The following PDE3A variants were observed in gnomAD, a reference collection of about 807,000 sequenced individuals.
The protein encoded by PDE3A is cGMP-inhibited 3',5'-cyclic phosphodiesterase 3A.
A neutral mutation model predicts 98.3 loss-of-function variants in PDE3A; 43 were observed. The ratio of observed to expected loss-of-function variants is 0.44; its 90% CI spans 0.34 to 0.56. The LOEUF is 0.56. PDE3A is among the 20% of genes least tolerant of loss of function. PDE3A has a pLI of 0.01. For missense variants in PDE3A, 1,427 were observed against 1,440.7 expected, an observed-to-expected ratio of 0.99 and a Z score of 0.15; for synonymous variants, 663 against 567.9, an observed-to-expected ratio of 1.17 and a Z score of -2.38.
chr12:20,574,947 T>C (rs1942894814), intron 2 of PDE3A, among the ~76,000 whole-genome samples: 1 of 152,172 alleles, frequency 6.6e-6, no homozygotes, highest in Non-Finnish European at 1.5e-5. Context: ...GTTCATACTT[T>C]AGAGATGGCA....
intron 2 of PDE3A, among the ~76,000 whole-genome samples, chr12:20,596,803 A>T (rs185229150): frequency 1.3e-5 from 2 of 152,318 alleles, no homozygotes; most frequent in Admixed American, 1.3e-4. Context: ...CTTGGAGTTT[A>T]CTGATGATGT....
intron 6 of PDE3A, among the ~76,000 whole-genome samples, chr12:20,632,115 T>G (rs1353184294): frequency 1.3e-5 from 2 of 152,244 alleles, no homozygotes; most frequent in Non-Finnish European, 2.9e-5. Flanking sequence ...GCTAATAAAC[T>G]CGACTTCTCC....
In PDE3A at chr12:20,434,780, T is replaced by C. The variant is rs530685093; in HGVS notation, c.960+64536T>C. ...CAGTATGAGCCTTGGCTTTCCCTTA[T>C]TTGAGTCAATATGCTGATTGTATAG... On this transcript the variant is annotated intron_variant, in intron 1 of 15. Transcript: ENST00000359062. Among the ~76,000 whole-genome samples the C allele has an allele frequency of 1.4e-4, 22 of 152,304 alleles. No individual in the cohort carries two copies. The East Asian group carries it at 4.2e-3, about 29-fold the overall frequency.
intron 9 of PDE3A, among the ~76,000 whole-genome samples, chr12:20,638,128 A>G (rs568245694): frequency 4.0e-5 from 6 of 151,898 alleles, no homozygotes; most frequent in East Asian, 3.9e-4. Context: ...CTGCAAAACA[A>G]TAGAAGAGAA....
chr12:20,491,078 C>CA lies in PDE3A; in HGVS notation c.961-65575dup, dbSNP rs568627656. On this transcript the variant is annotated intron_variant, in intron 1 of 15. Coordinates refer to ENST00000359062, the MANE Select transcript of PDE3A (RefSeq NM_000921.5). The stretch of plus-strand genomic sequence containing the variant: ...CCTGGGAAACAGAGTGAGCCTGACT[C>CA]AAAAAAATCCTTTAATACTTTTCTA... Among the ~76,000 whole-genome samples, 16 of 152,128 alleles carry CA rather than the reference C, an allele frequency of 1.1e-4. No homozygotes were observed. In the East Asian group the frequency reaches 2.1e-3, roughly 20 times the overall value.
chr12:20,559,538 G>A (rs1942459903), intron 2 of PDE3A, among the ~76,000 whole-genome samples: 1 of 151,570 alleles, frequency 6.6e-6, no homozygotes. Context: ...CAGGCATGAT[G>A]GTGGGTTCTG....
Position 20,648,694 on chromosome 12 carries a change from C to G in PDE3A, c.2572C>G (p.Leu858Val). The G allele has an allele frequency of 6.2e-7, 1 of 1,602,008 alleles. No individual in the cohort carries two copies. Among genetic ancestry groups the G allele is most frequent in the Non-Finnish European group, 8.6e-7 (1 of 1,169,162 alleles). ...AACTGTCTTATTTGCCTAGGCGGTG[C>G]TATATAACGATCGTTCAGTTTTGGA... ...LVATSAPQAV[L>V]YNDRSVLENH... Residue 858 changes from leucine to valine, a missense_variant, in exon 13 of 16, where the codon CTA (leucine) becomes GTA (valine). By Grantham distance (32) the Leu-to-Val change is conservative. Around this residue, in one of 3 missense-constraint regions of PDE3A, gnomAD observed 273 missense variants for 420.3 expected, o/e 0.65. Transcript: ENST00000359062.
In PDE3A at chr12:20,403,783, G is replaced by A. The variant is rs189710332; in HGVS notation, c.960+33539G>A. Among the ~76,000 whole-genome samples, 727 of 152,182 alleles carry A rather than the reference G, an allele frequency of 4.8e-3. 8 individuals are homozygous for A. Among genetic ancestry groups the A allele is most frequent in the African/African-American group, 0.016 (662 of 41,536 alleles). Reference sequence around the variant, plus strand: ...AGCTTCAAATAAAAACAAACAAAATGTTAGGACTATCAATTCTAATAAATT... The same window carrying A: ...AGCTTCAAATAAAAACAAACAAAATATTAGGACTATCAATTCTAATAAATT... On this transcript the variant is annotated intron_variant, in intron 1 of 15. Transcript: ENST00000359062.
rs150110066 is a variant in PDE3A at position 20,660,272 on chromosome 12, T to C, written c.3184+6067T>C. Among the ~76,000 whole-genome samples, 430 of 152,348 alleles carry C rather than the reference T, an allele frequency of 2.8e-3. 4 individuals carry two copies. Among genetic ancestry groups the C allele is most frequent in the African/African-American group, 0.01 (419 of 41,572 alleles). On this transcript the variant is annotated intron_variant, in intron 15 of 15. Transcript: ENST00000359062. ...AGGCCTCCATAGCCCTGTCAGTCAA[T>C]TAAATCTCTTTTCTTTGTAAATTAC...
At chr12:20,553,496 G>A (rs74928928) in intron 1 of PDE3A, among the ~76,000 whole-genome samples, 4,478 of 131,704 alleles carry the variant, frequency 0.034, 122 homozygotes, top group Middle Eastern at 0.058. Flanking sequence ...GTGGTGGCCC[G>A]TGGCAGCCCG....
Position 20,635,600 on chromosome 12 carries a change from G to T in PDE3A, c.2001+544G>T, listed in dbSNP as rs1252218429. On this transcript the variant is annotated intron_variant, in intron 8 of 15. Coordinates refer to ENST00000359062, the MANE Select transcript of PDE3A (RefSeq NM_000921.5). ...CTCAAAAAAAAAAAAAAGAAAGAAA[G>T]AAATTACCCAGGCATGGTGGCAGGT... 3.0e-5 allele frequency among the ~76,000 whole-genome samples: 4 copies of T among 133,154 alleles called. No individual in the cohort carries two copies. The South Asian group carries it at 1.0e-3, about 34-fold the overall frequency. The allele number at this position is 133,154 out of a possible 152,430, so 87.4% of individuals were successfully genotyped here.
intron 2 of PDE3A, among the ~76,000 whole-genome samples, chr12:20,594,694 C>A (rs1329199504): frequency 3.3e-5 from 5 of 152,030 alleles, no homozygotes; most frequent in African/African-American, 1.2e-4. Context: ...TATTAATTTG[C>A]CTCTAGGATT....
intron 10 of PDE3A, among the ~76,000 whole-genome samples, chr12:20,644,207 C>T (rs903481495): frequency 1.6e-4 from 25 of 152,096 alleles, no homozygotes; most frequent in Non-Finnish European, 3.2e-4. Flanking sequence ...TATCTTCTAC[C>T]GATGGAGGCA....
chr12:20,674,709 A>T (rs537128727), intron 15 of PDE3A, among the ~76,000 whole-genome samples: 8 of 151,952 alleles, frequency 5.3e-5, no homozygotes, highest in Non-Finnish European at 1.2e-4. Flanking sequence ...TATCCATTTC[A>T]TCTAGGTTTT....
In PDE3A at chr12:20,681,722, T is replaced by C. The variant is rs965233395; in HGVS notation, c.*1451T>C. ...AGATTGGGTTATTATTGAAAGTCTT[T>C]TTTTTTGTTTGTTTTGTTTTGGTTT... On this transcript the variant is annotated 3_prime_UTR_variant, in exon 16 of 16. Transcript: ENST00000359062. 6.6e-6 allele frequency: 1 copy of C among 152,192 alleles called. No homozygotes were observed. The highest frequency in any genetic ancestry group is 1.5e-5 in the Non-Finnish European group (1 of 68,034). The allele number at this position is 152,192 out of a possible 1,614,324, so 9.4% of individuals were successfully genotyped here.
intron 1 of PDE3A, among the ~76,000 whole-genome samples, chr12:20,402,628 C>T (rs1431758827): frequency 6.6e-6 from 1 of 151,974 alleles, no homozygotes; most frequent in Admixed American, 6.6e-5. Flanking sequence ...GTATAGAAGA[C>T]AACTATGAAT....
chr12:20,680,051 G>A lies in PDE3A; in HGVS notation c.3206G>A (p.Arg1069Lys), dbSNP rs965068299. The change falls in exon 16 of 16, where the codon AGA becomes AAA. Residue 1069 changes from arginine to lysine, a missense_variant. By Grantham distance (26) the Arg-to-Lys change is conservative. Coordinates refer to ENST00000359062, the MANE Select transcript of PDE3A (RefSeq NM_000921.5). ...ESPKKKTFKR[R>K]KIYCQITQHL... is the part of the protein sequence containing the mutation. ...TTAGAAAAGAAGACTTTCAAAAGGAGAAAAATCTACTGCCAAATAACTCAG... is the reference window on the plus strand; with the variant it reads ...TTAGAAAAGAAGACTTTCAAAAGGAAAAAAATCTACTGCCAAATAACTCAG... 6.2e-6 allele frequency: 10 copies of A among 1,601,846 alleles called. No homozygotes were observed. Among genetic ancestry groups the A allele is most frequent in the Non-Finnish European group, 8.5e-6 (10 of 1,170,692 alleles).
At chr12:20,400,413 TTTTTTTTTTTTGAGA>T (rs1944106396) in intron 1 of PDE3A, among the ~76,000 whole-genome samples, 1 of 108,024 alleles carries the variant, frequency 9.3e-6, no homozygotes, top group Non-Finnish European at 1.8e-5. Flanking sequence ...TTTTTTTTTT[TTTTTTTTTTTTGAGA>T]TGGAGTCTCG....
chr12:20,672,062 T>C (rs71446711), intron 15 of PDE3A, among the ~76,000 whole-genome samples: 3,807 of 149,212 alleles, frequency 0.026, 70 homozygotes, highest in Non-Finnish European at 0.038. Context: ...AACAGACAAA[T>C]AGAGAGCCAA....
Sources: allele counts gnomAD v4.1 joint callset (sites outside exome capture counted in the v4.1 genomes callset), GRCh38; gene constraint gnomAD v4.1.1; regional missense constraint gnomAD v4.1.1; transcripts MANE v1.5; gene names NCBI Gene and HGNC (gene_info 2026-07-23, HGNC 2026-07-21).